The following NLN variants were observed in gnomAD, a reference collection of about 807,000 sequenced individuals.
NLN encodes neurolysin, mitochondrial.
A neutral mutation model predicts 79.9 loss-of-function variants in NLN; 64 were observed. The observed-to-expected ratio is 0.80, with a 90% CI of 0.65 to 0.99. The LOEUF is 0.99. NLN is among the 50% of genes least tolerant of loss of function. NLN has a pLI of 0.00. For synonymous variants in NLN, 267 were observed against 296.6 expected, an observed-to-expected ratio of 0.90 and a Z score of 1.02; for missense variants, 835 against 858.7, an observed-to-expected ratio of 0.97 and a Z score of 0.34.
At chr5:65,822,671 T>C (rs1235585928) in intron 12 of NLN, 110 bp from the exon 13 acceptor site, 1 of 771,540 alleles carries the variant, frequency 1.3e-6, no homozygotes, top group Non-Finnish European at 2.3e-6. Flanking sequence ...CTAGACAGAG[T>C]AAGGCTAAAG....
rs1366129807 is a variant in NLN, at chr5:65,828,915, C to T, written c.*6000C>T. The T allele has an allele frequency of 6.6e-6, 1 of 152,210 alleles. No homozygotes were observed. The highest frequency in any genetic ancestry group is 1.5e-5 in the Non-Finnish European group (1 of 68,044). 9.4% of individuals were successfully genotyped at this position (152,210 alleles called of 1,614,324 possible). A position where few individuals can be genotyped will look rare whatever the true frequency, so the allele number is the denominator to read the frequency against. On this transcript the variant is annotated 3_prime_UTR_variant, in exon 13 of 13. Coordinates refer to ENST00000380985, the MANE Select transcript of NLN (RefSeq NM_020726.5). ...TATGGCTTAAGGTTGCCTCGCTCCTCATCTGTAATCAGTGAAAGTTTATCC... is the reference window on the plus strand; with the variant it reads ...TATGGCTTAAGGTTGCCTCGCTCCTTATCTGTAATCAGTGAAAGTTTATCC...
rs1174652643 is a variant in NLN at position 65,824,446 on chromosome 5, A to C, written c.*1531A>C. The C allele has an allele frequency of 5.3e-5, 8 of 151,686 alleles. No individual in the cohort carries two copies. The highest frequency in any genetic ancestry group is 1.7e-4 in the African/African-American group (7 of 41,224). The allele number at this position is 151,686 out of a possible 1,614,324, so 9.4% of individuals were successfully genotyped here. A position where few individuals can be genotyped will look rare whatever the true frequency, so the allele number is the denominator to read the frequency against. ...CCAGCCCTTCTCTTCCCACACACTC[A>C]CTCAATGTCACCCCCTTCTAATCCC... On this transcript the variant is annotated 3_prime_UTR_variant, in exon 13 of 13. Coordinates refer to ENST00000380985, the MANE Select transcript of NLN (RefSeq NM_020726.5).
At chr5:65,785,668 A>G in intron 6 of NLN, 107 bp from the exon 7 acceptor site, 1 of 868,396 alleles carries the variant, frequency 1.2e-6, no homozygotes, top group Non-Finnish European at 1.7e-6. Context: ...GTCTAAAAAT[A>G]TTTGATAATT....
chr5:65,784,774 CAG>C (rs777118156), intron 6 of NLN, among the ~76,000 whole-genome samples: 1 of 152,164 alleles, frequency 6.6e-6, no homozygotes, highest in Non-Finnish European at 1.5e-5. Flanking sequence ...TATCCACCTG[CAG>C]AGTTTTTTCA....
intron 12 of NLN, among the ~76,000 whole-genome samples, chr5:65,818,266 G>T (rs534807962): frequency 6.6e-6 from 1 of 152,098 alleles, no homozygotes; most frequent in Non-Finnish European, 1.5e-5. Context: ...CGTGTAAAAG[G>T]AACTATTTTA....
intron 3 of NLN, among the ~76,000 whole-genome samples, chr5:65,771,382 A>G (rs1451796091): frequency 6.6e-6 from 1 of 152,194 alleles, no homozygotes; most frequent in Non-Finnish European, 1.5e-5. Context: ...TGGCGAGAAA[A>G]ATGTACAGTG....
At chr5:65,733,416 G>A in intron 1 of NLN, 1 of 1,493,360 alleles carries the variant, frequency 6.7e-7, no homozygotes, top group East Asian at 2.3e-5. Context: ...TGCTCTGAAA[G>A]ACCTGCTGTG....
intron 6 of NLN, among the ~76,000 whole-genome samples, chr5:65,784,048 G>A (rs1449892477): frequency 6.6e-6 from 1 of 152,076 alleles, no homozygotes; most frequent in East Asian, 1.9e-4. Flanking sequence ...TTGCAAATGA[G>A]AAAACTGAGG....
intron 6 of NLN, among the ~76,000 whole-genome samples, chr5:65,782,265 T>C (rs1252042988): frequency 2.0e-5 from 3 of 152,196 alleles, no homozygotes; most frequent in Non-Finnish European, 2.9e-5. Context: ...TGACCATATC[T>C]TGGGGGACTG....
intron 4 of NLN, among the ~76,000 whole-genome samples, chr5:65,777,862 C>G (rs1025431517): frequency 6.6e-6 from 1 of 152,194 alleles, no homozygotes; most frequent in African/African-American, 2.4e-5. Context: ...ATAGAATAAC[C>G]TGTAATACAA....
At position 65,792,632 on chromosome 5, in the gene NLN, G is replaced by A. The variant is rs772545743; in HGVS notation, c.1504G>A (p.Val502Met). 11 of 1,613,682 alleles carry A rather than the reference G, an allele frequency of 6.8e-6. No homozygotes were observed. Among genetic ancestry groups the A allele is most frequent in the African/African-American group, 1.3e-5 (1 of 74,886 alleles). Residue 502 changes from valine (V) to methionine (M), a missense_variant, in exon 9 of 13, where the codon GTG becomes ATG. By Grantham distance (21) the Val-to-Met change is conservative. Transcript: ENST00000380985. The part of the protein sequence containing the change: ...VRTYFHEFGH[V>M]MHQICAQTDF... Reference sequence around the variant, plus strand: ...GACTTACTTTCATGAGTTTGGTCACGTGATGCATCAGATTTGTGCACAGGT... The same window carrying A: ...GACTTACTTTCATGAGTTTGGTCACATGATGCATCAGATTTGTGCACAGGT...
At chr5:65,750,196 G>A (rs886554645) in intron 1 of NLN, among the ~76,000 whole-genome samples, 1 of 152,326 alleles carries the variant, frequency 6.6e-6, no homozygotes, top group African/African-American at 2.4e-5. Context: ...CTGCAGTGGC[G>A]AAAACATTCT....
intron 1 of NLN, among the ~76,000 whole-genome samples, chr5:65,726,459 C>T (rs1204871620): frequency 2.0e-5 from 3 of 152,170 alleles, no homozygotes; most frequent in African/African-American, 4.8e-5. Flanking sequence ...CATTCCTTTT[C>T]GCCATCAGTG....
intron 9 of NLN, among the ~76,000 whole-genome samples, chr5:65,801,844 C>T (rs1338847740): frequency 1.3e-5 from 2 of 152,106 alleles, no homozygotes; most frequent in African/African-American, 2.4e-5. Context: ...TGAATCCTCC[C>T]CTACACACAC....
At chr5:65,726,028 C>T (rs1227626772) in intron 1 of NLN, among the ~76,000 whole-genome samples, 5 of 150,624 alleles carry the variant, frequency 3.3e-5, no homozygotes, top group Admixed American at 6.7e-5. Context: ...AGGAGAATGG[C>T]GTGAACCCGG....
chr5:65,731,749 T>TC (rs1758614369), intron 1 of NLN, among the ~76,000 whole-genome samples: 1 of 108,184 alleles, frequency 9.2e-6, no homozygotes, highest in African/African-American at 3.7e-5. Flanking sequence ...TTTCTTTTTT[T>TC]TTTTTTTTTT....
intron 3 of NLN, among the ~76,000 whole-genome samples, chr5:65,772,832 G>A (rs919219748): frequency 4.6e-5 from 7 of 151,528 alleles, no homozygotes; most frequent in Admixed American, 1.3e-4. Context: ...CCAGGCTCAA[G>A]TGATTCTCCC....
At chr5:65,822,417 G>A (rs900523259) in intron 12 of NLN, among the ~76,000 whole-genome samples, 4 of 152,316 alleles carry the variant, frequency 2.6e-5, no homozygotes, top group East Asian at 1.9e-4. Context: ...TGTAGCCTTC[G>A]TGAACACTTG....
intron 1 of NLN, among the ~76,000 whole-genome samples, chr5:65,723,342 C>G (rs1331915661): frequency 1.3e-5 from 2 of 152,276 alleles, no homozygotes; most frequent in Admixed American, 1.3e-4. Context: ...AGTTAGGGAG[C>G]AGGCAGGCGA....
Sources: allele counts gnomAD v4.1 joint callset (sites outside exome capture counted in the v4.1 genomes callset), GRCh38; gene constraint gnomAD v4.1.1; transcripts MANE v1.5; gene names NCBI Gene and HGNC (gene_info 2026-07-23, HGNC 2026-07-21).